C16orf95: variants seen among roughly 807,000 people sequenced by gnomAD.
C16orf95 encodes chromosome 16 open reading frame 95.
C16orf95 carries 41 observed loss-of-function variants against 32.1 expected under a neutral mutation model. That is an observed-to-expected ratio of 1.28 (90% confidence interval 1.00 to 1.66). The LOEUF (loss-of-function observed/expected upper bound fraction) is 1.66. Ranked by LOEUF, C16orf95 falls within the 40% of genes most tolerant of loss-of-function variation. The probability of loss-of-function intolerance (pLI) is 0.00; values close to 1 mark genes in which losing one functional copy is unlikely to be tolerated. For missense variants in C16orf95, 399 were observed against 325.9 expected (o/e 1.22, Z -1.73); for synonymous variants, 147 against 128.9 (o/e 1.14, Z -0.95).
intron 3 of C16orf95, among the ~76,000 whole-genome samples, chr16:87,313,980 GACAGATAC>G (rs1394740348): frequency 6.6e-6 from 1 of 152,080 alleles, no homozygotes; most frequent in African/African-American, 2.4e-5. Context: ...ACTACGATGA[GACAGATAC>G]CCATTAAGAT....
At chr16:87,310,371 G>A (rs553184227) in intron 4 of C16orf95, 38 bp from the exon 5 acceptor site, 17 of 1,534,608 alleles carry the variant, frequency 1.1e-5, no homozygotes, top group South Asian at 9.5e-5. Context: ...TCAGCCTGGC[G>A]ACCCTCCAAG....
intron 2 of C16orf95, among the ~76,000 whole-genome samples, chr16:87,315,334 T>C (rs1056807226): frequency 2.0e-5 from 3 of 152,218 alleles, no homozygotes; most frequent in African/African-American, 7.2e-5. Context: ...TCTCAGCTGC[T>C]TCCTGCTGTG....
intron 5 of C16orf95, among the ~76,000 whole-genome samples, chr16:87,307,263 C>G (rs1470970039): frequency 1.3e-5 from 2 of 152,200 alleles, no homozygotes; most frequent in Non-Finnish European, 2.9e-5. Context: ...CTAGCCTACT[C>G]CTTTTAGAGA....
At chr16:87,314,882 C>CAT in intron 3 of C16orf95, 89 bp downstream of exon 3, 1 of 1,095,450 alleles carries the variant, frequency 9.1e-7, no homozygotes, top group Non-Finnish European at 1.3e-6. Context: ...AATATCCATT[C>CAT]ATATAATACT....
chr16:87,307,258 C>T (rs1160265181), intron 5 of C16orf95, among the ~76,000 whole-genome samples: 1 of 152,192 alleles, frequency 6.6e-6, no homozygotes, highest in African/African-American at 2.4e-5. Context: ...CAAGTCTAGC[C>T]TACTCCTTTT....
intron 5 of C16orf95, among the ~76,000 whole-genome samples, chr16:87,309,757 G>A (rs376636905): frequency 2.6e-5 from 4 of 152,250 alleles, no homozygotes; most frequent in South Asian, 2.1e-4. Flanking sequence ...ATACATGAAT[G>A]TGAGTATATA....
chr16:87,314,591 G>A (rs1904303213), intron 3 of C16orf95, among the ~76,000 whole-genome samples: 1 of 152,154 alleles, frequency 6.6e-6, no homozygotes, highest in African/African-American at 2.4e-5. Context: ...TGATGGTGGT[G>A]GTGGGTTCAG....
Position 87,302,878 on chromosome 16 carries a change from G to C in C16orf95, c.*179C>G. The stretch of plus-strand genomic sequence containing the variant: ...AACAGAAACTCACCCACATTCACAT[G>C]AACTTTGCTACAACCAAGAATCACC... On this transcript the variant is annotated 3_prime_UTR_variant, in exon 7 of 7. Coordinates refer to ENST00000567970, the MANE Select transcript of C16orf95 (RefSeq NM_001195124.3). The C allele has an allele frequency of 1.5e-6, 1 of 660,682 alleles. No individual in the cohort carries two copies. Among genetic ancestry groups the C allele is most frequent in the Non-Finnish European group, 2.7e-6 (1 of 375,488 alleles). 40.9% of individuals were successfully genotyped at this position (660,682 alleles called of 1,614,324 possible).
At chr16:87,315,877 T>C in intron 1 of C16orf95, 54 bp from the exon 2 acceptor site, 1 of 1,398,848 alleles carries the variant, frequency 7.1e-7, no homozygotes, top group South Asian at 1.3e-5. Flanking sequence ...GGGGCAGGGA[T>C]GCTAGAGCAC....
At chr16:87,312,145 C>T (rs1013190805) in intron 3 of C16orf95, among the ~76,000 whole-genome samples, 1 of 152,196 alleles carries the variant, frequency 6.6e-6, no homozygotes, top group African/African-American at 2.4e-5. Context: ...GCTTCTCCAG[C>T]GGAAAGACAG....
At chr16:87,313,121 A>G (rs1026950712) in intron 3 of C16orf95, among the ~76,000 whole-genome samples, 1 of 152,138 alleles carries the variant, frequency 6.6e-6, no homozygotes, top group African/African-American at 2.4e-5. Flanking sequence ...AAGCCCACAC[A>G]GTCCCAATCA....
At chr16:87,303,750 G>A (rs77135351) in intron 6 of C16orf95, 4,763 of 152,606 alleles carry the variant, frequency 0.031, 241 homozygotes, top group African/African-American at 0.11. Context: ...AGAATTCAGG[G>A]GCTGGAAAAC....
intron 6 of C16orf95, among the ~76,000 whole-genome samples, chr16:87,304,720 G>A (rs1910933676): frequency 6.6e-6 from 1 of 152,282 alleles, no homozygotes; most frequent in Admixed American, 6.5e-5. Context: ...GGGAGGCAAC[G>A]TCCAACTCTA....
chr16:87,311,006 CA>C (rs1334590788), intron 4 of C16orf95, 143 bp downstream of exon 4: 26 of 808,006 alleles, frequency 3.2e-5, no homozygotes, highest in Non-Finnish European at 4.6e-5. Flanking sequence ...CCACAGCTGC[CA>C]GGGGATCTTC....
At position 87,304,173 on chromosome 16, in the gene C16orf95, C is replaced by T. The variant is rs143949802; in HGVS notation, c.702-1098G>A. ...GCTGGGACCACAGCACTACACTCAG[C>T]TAATTTTTTTATTTTGTGTGGAGAT... On this transcript the variant is annotated intron_variant, in intron 6 of 6. Transcript: ENST00000567970. Among the ~76,000 whole-genome samples, 657 of 152,310 alleles carry T rather than the reference C, an allele frequency of 4.3e-3. 8 individuals are homozygous for T. The highest frequency in any genetic ancestry group is 0.015 in the African/African-American group (625 of 41,572).
At chr16:87,317,031 G>A in intron 1 of C16orf95, 60 bp downstream of exon 1, 1 of 1,458,880 alleles carries the variant, frequency 6.9e-7, no homozygotes, top group Admixed American at 2.3e-5. Context: ...AGCAATGCCG[G>A]GCCGGGAACT....
chr16:87,304,863 G>T (rs1910940171), intron 6 of C16orf95, among the ~76,000 whole-genome samples: 1 of 152,256 alleles, frequency 6.6e-6, no homozygotes, highest in Non-Finnish European at 1.5e-5. Context: ...GCAGCTACCT[G>T]CAGACGCTGC....
intron 5 of C16orf95, among the ~76,000 whole-genome samples, chr16:87,309,359 TTTTCTTTC>T (rs1911170393): frequency 6.8e-6 from 1 of 146,804 alleles, no homozygotes. Flanking sequence ...TGCATTTTCT[TTTTCTTTC>T]TTTTCTTTTT....
intron 4 of C16orf95, 65 bp downstream of exon 4, chr16:87,311,078 CCTCCCAT>C (rs1468169162): frequency 7.5e-7 from 1 of 1,340,888 alleles, no homozygotes; most frequent in Non-Finnish European, 9.8e-7. Flanking sequence ...TCCCCTTCTT[CCTCCCAT>C]CTCCCCTTCC....
Sources: allele counts gnomAD v4.1 joint callset (sites outside exome capture counted in the v4.1 genomes callset), GRCh38; gene constraint gnomAD v4.1.1; transcripts MANE v1.5; gene names NCBI Gene and HGNC (gene_info 2026-07-23, HGNC 2026-07-21).